Variants in SCFD2 observed in about 807,000 individuals in gnomAD.
SCFD2 encodes sec1 family domain containing 2, also known as sec1 family domain-containing protein 2.
Under a neutral mutation model 58.9 loss-of-function variants are expected in SCFD2, and 54 were observed. That is an observed-to-expected ratio of 0.92 (90% CI 0.74 to 1.15). The LOEUF (loss-of-function observed/expected upper bound fraction) is 1.15. Ranked by LOEUF, SCFD2 falls within the 50% of genes most tolerant of loss-of-function variation. The probability of loss-of-function intolerance (pLI) is 0.00; values close to 1 mark genes in which losing one functional copy is unlikely to be tolerated. For missense variants in SCFD2, 805 were observed against 836.6 expected, an observed-to-expected ratio of 0.96 and a Z score of 0.47; for synonymous variants, 321 against 335.9, an observed-to-expected ratio of 0.96 and a Z score of 0.49.
intron 4 of SCFD2, among the ~76,000 whole-genome samples, chr4:53,156,904 C>A (rs1726707177): frequency 2.0e-5 from 3 of 152,202 alleles, no homozygotes; most frequent in African/African-American, 4.8e-5. Context: ...TTCTTTCATG[C>A]AATAGCATTG....
chr4:52,953,046 C>T (rs1720636762), intron 5 of SCFD2, among the ~76,000 whole-genome samples: 1 of 152,156 alleles, frequency 6.6e-6, no homozygotes, highest in South Asian at 2.1e-4. Context: ...AATATGAAGG[C>T]TCCTTGGAAA....
At chr4:53,237,173 C>A (rs1729653351) in intron 4 of SCFD2, among the ~76,000 whole-genome samples, 1 of 149,794 alleles carries the variant, frequency 6.7e-6, no homozygotes, top group South Asian at 2.2e-4. Context: ...CATAGATCAA[C>A]AGGATCCCAA....
At chr4:53,079,496 A>T (rs1724078712) in intron 5 of SCFD2, among the ~76,000 whole-genome samples, 1 of 152,208 alleles carries the variant, frequency 6.6e-6, no homozygotes, top group Admixed American at 6.5e-5. Flanking sequence ...ATGAGGTGTA[A>T]ATCAACGAAG....
At chr4:52,923,635 G>A (rs534564690) in intron 5 of SCFD2, among the ~76,000 whole-genome samples, 1 of 152,094 alleles carries the variant, frequency 6.6e-6, no homozygotes, top group East Asian at 1.9e-4. Context: ...CAGGAAGTTC[G>A]TGGGAACTTC....
At chr4:52,898,926 T>C (rs190831666) in intron 7 of SCFD2, among the ~76,000 whole-genome samples, 3 of 152,242 alleles carry the variant, frequency 2.0e-5, no homozygotes, top group Non-Finnish European at 2.9e-5. Flanking sequence ...TCTCTTTTGA[T>C]CTTTGTTGCT....
chr4:53,162,808 C>A (rs1726893328), intron 4 of SCFD2, among the ~76,000 whole-genome samples: 1 of 150,914 alleles, frequency 6.6e-6, no homozygotes, highest in Non-Finnish European at 1.5e-5. Flanking sequence ...ACGTAACTAA[C>A]CTGCACATTG....
At chr4:53,281,590 C>T (rs1327768393) in intron 3 of SCFD2, among the ~76,000 whole-genome samples, 1 of 152,122 alleles carries the variant, frequency 6.6e-6, no homozygotes, top group Admixed American at 6.6e-5. Context: ...CAAGAGGCTA[C>T]CCTGAGCACA....
chr4:52,988,555 T>G lies in SCFD2; in HGVS notation c.1562-67685A>C, dbSNP rs532390739. On this transcript the variant is annotated intron_variant, in intron 5 of 8. Transcript: ENST00000401642. ...TCTTAGGTTTTCGAATGTCAAAAAA[T>G]CAGGCTTCAACCTTCGAGACTCTTC... is the stretch of plus-strand genomic sequence containing the variant. Among the ~76,000 whole-genome samples, 3 of 152,290 alleles carry G rather than the reference T, an allele frequency of 2.0e-5. No homozygotes were observed. The South Asian group carries it at 6.2e-4, about 32-fold the overall frequency.
intron 5 of SCFD2, among the ~76,000 whole-genome samples, chr4:53,044,360 T>G (rs1258666264): frequency 6.6e-6 from 1 of 152,078 alleles, no homozygotes; most frequent in African/African-American, 2.4e-5. Context: ...CCCCCTTTTA[T>G]TTTTCAAAGC....
intron 5 of SCFD2, among the ~76,000 whole-genome samples, chr4:52,923,444 C>T (rs1340008396): frequency 2.6e-5 from 4 of 151,330 alleles, no homozygotes; most frequent in Non-Finnish European, 5.9e-5. Context: ...TGCCACAGCA[C>T]TCCAGCATGG....
chr4:53,240,983 T>C (rs189265125), intron 4 of SCFD2, among the ~76,000 whole-genome samples: 4 of 152,114 alleles, frequency 2.6e-5, no homozygotes, highest in African/African-American at 9.6e-5. Flanking sequence ...AGGGAAGGCA[T>C]TGAGAGCAGA....
chr4:53,109,627 A>T (rs1308335574), intron 5 of SCFD2, among the ~76,000 whole-genome samples: 1 of 152,196 alleles, frequency 6.6e-6, no homozygotes, highest in Non-Finnish European at 1.5e-5. Context: ...CAATTGCTAC[A>T]AAGAGTATAA....
chr4:53,360,545 C>T (rs1249331364), intron 1 of SCFD2, among the ~76,000 whole-genome samples: 2 of 152,160 alleles, frequency 1.3e-5, no homozygotes, highest in African/African-American at 4.8e-5. Flanking sequence ...GGGCCCTGGC[C>T]ATTCTGGCTT....
intron 4 of SCFD2, among the ~76,000 whole-genome samples, chr4:53,263,691 T>C (rs1560419208): frequency 6.6e-6 from 1 of 152,218 alleles, no homozygotes; most frequent in South Asian, 2.1e-4. Context: ...TCCTTGGTTG[T>C]ATTTTTGTTT....
intron 2 of SCFD2, among the ~76,000 whole-genome samples, chr4:53,334,144 C>T (rs1302208456): frequency 6.6e-6 from 1 of 151,846 alleles, no homozygotes; most frequent in Non-Finnish European, 1.5e-5. Flanking sequence ...CACTTTTACA[C>T]TGTTGGTGGG....
intron 5 of SCFD2, among the ~76,000 whole-genome samples, chr4:53,026,228 T>G (rs1328594683): frequency 6.6e-6 from 1 of 152,162 alleles, no homozygotes; most frequent in Non-Finnish European, 1.5e-5. Flanking sequence ...AGTAGAATAT[T>G]CCCATTGTAA....
intron 5 of SCFD2, among the ~76,000 whole-genome samples, chr4:53,113,604 G>T (rs1301109859): frequency 6.6e-6 from 1 of 152,070 alleles, no homozygotes; most frequent in Non-Finnish European, 1.5e-5. Context: ...CTCTGTGACA[G>T]TTTTCACAAC....
intron 5 of SCFD2, among the ~76,000 whole-genome samples, chr4:53,119,536 G>C (rs1725421836): frequency 6.6e-6 from 1 of 152,010 alleles, no homozygotes; most frequent in East Asian, 1.9e-4. Context: ...TAAGGGAGTG[G>C]ATCAGAGGAA....
intron 5 of SCFD2, among the ~76,000 whole-genome samples, chr4:53,033,250 A>C (rs1409262630): frequency 6.6e-6 from 1 of 152,214 alleles, no homozygotes; most frequent in African/African-American, 2.4e-5. Context: ...GGCAGAAATA[A>C]AGATGTTCTT....
Sources: allele counts gnomAD v4.1 joint callset (sites outside exome capture counted in the v4.1 genomes callset), GRCh38; gene constraint gnomAD v4.1.1; transcripts MANE v1.5; gene names NCBI Gene and HGNC (gene_info 2026-07-23, HGNC 2026-07-21).